The following ZNF519 variants were observed in gnomAD, a reference collection of about 807,000 sequenced individuals.
ZNF519 encodes the protein zinc finger protein 519, also known as similar to Zinc finger protein 85 (Zinc finger protein HPF4) (HTF1).
In ZNF519, 7 loss-of-function variants were observed where a neutral mutation model predicts 7.4. The observed-to-expected ratio is 0.94, with a 90% CI of 0.54 to 1.77. The LOEUF (loss-of-function observed/expected upper bound fraction) is 1.77. Ranked by LOEUF, ZNF519 falls within the 40% of genes most tolerant of loss-of-function variation. The probability of loss-of-function intolerance (pLI) is 0.00; values close to 1 mark genes in which losing one functional copy is unlikely to be tolerated. For missense variants in ZNF519, 586 were observed against 623.1 expected, an observed-to-expected ratio of 0.94 and a Z score of 0.63; for synonymous variants, 179 against 203.3, an observed-to-expected ratio of 0.88 and a Z score of 1.02.
chr18:14,105,729 C>T lies in ZNF519; in HGVS notation c.811G>A (p.Gly271Ser). 6.2e-7 allele frequency: 1 copy of T among 1,613,926 alleles called. No homozygotes were observed. Among genetic ancestry groups the T allele is most frequent in the East Asian group, 2.2e-5 (1 of 44,870 alleles). Residue 271 changes from glycine (G) to serine (S), a missense_variant, in exon 3 of 3, where the codon GGC becomes AGC. Coordinates refer to ENST00000590202, the MANE Select transcript of ZNF519 (RefSeq NM_145287.4). ...GEKSVKYKER[G>S]KAFTRGLHLG... ...TGTAAGCCCCTGGTAAAAGCTTTGC[C>T]ACGTTCTTTATATTTCACTGATTTT... is the stretch of plus-strand genomic sequence containing the variant.
intron 1 of ZNF519, among the ~76,000 whole-genome samples, chr18:14,124,691 T>C (rs1046603401): frequency 3.3e-5 from 5 of 152,064 alleles, no homozygotes; most frequent in African/African-American, 9.7e-5. Flanking sequence ...TGCACTGACC[T>C]ACCCCTACCA....
downstream of ZNF519, among the ~76,000 whole-genome samples, chr18:14,096,887 G>T (rs186356699): frequency 6.6e-6 from 1 of 152,130 alleles, no homozygotes; most frequent in African/African-American, 2.4e-5. Flanking sequence ...ACCCTATTCC[G>T]ACTTGCTGGG....
intron 3 of ZNF519, among the ~76,000 whole-genome samples, chr18:14,083,072 A>G (rs2046076352): frequency 1.3e-5 from 2 of 152,214 alleles, no homozygotes; most frequent in Non-Finnish European, 2.9e-5. Flanking sequence ...AGACCCGGTC[A>G]GGTGCAGTGG....
chr18:14,108,364 TA>T (rs1435747031), intron 2 of ZNF519, among the ~76,000 whole-genome samples: 1 of 152,016 alleles, frequency 6.6e-6, no homozygotes, highest in Non-Finnish European at 1.5e-5. Flanking sequence ...TGATTCCTTT[TA>T]ATCAATTGAA....
chr18:14,126,898 C>T (rs1279193050), intron 1 of ZNF519, among the ~76,000 whole-genome samples: 1 of 152,142 alleles, frequency 6.6e-6, no homozygotes, highest in Non-Finnish European at 1.5e-5. Flanking sequence ...CTGGTGAGAG[C>T]GTCCCCAGTG....
At chr18:14,073,662 T>C (rs1160788859), downstream of ZNF519, 3 of 152,190 alleles carry the variant, frequency 2.0e-5, no homozygotes, top group Non-Finnish European at 2.9e-5. Flanking sequence ...GTTATTCATA[T>C]AAGAAACCTG....
intron 1 of ZNF519, among the ~76,000 whole-genome samples, chr18:14,124,719 C>T (rs2046288560): frequency 6.6e-6 from 1 of 151,766 alleles, no homozygotes; most frequent in South Asian, 2.1e-4. Flanking sequence ...GCAGAGCAGG[C>T]CCTGTGACCT....
rs1333587229 is a variant in ZNF519, at chr18:14,103,202, A to C, written c.*1715T>G. 6.6e-6 allele frequency: 1 copy of C among 152,128 alleles called. No homozygotes were observed. Among genetic ancestry groups the C allele is most frequent in the Non-Finnish European group, 1.5e-5 (1 of 67,980 alleles). 9.4% of individuals were successfully genotyped at this position (152,128 alleles called of 1,614,324 possible). ...CATAACACTTGAACACTGTAAACAA[A>C]TATGAACTGATAGAATTCTCAAATT... is the stretch of plus-strand genomic sequence containing the variant. On this transcript the variant is annotated 3_prime_UTR_variant, in exon 3 of 3. Transcript: ENST00000590202.
At chr18:14,129,040 T>C (rs1038646396) in intron 1 of ZNF519, among the ~76,000 whole-genome samples, 8 of 152,072 alleles carry the variant, frequency 5.3e-5, no homozygotes, top group African/African-American at 1.9e-4. Context: ...AAGAGAAAGA[T>C]GCTATCAAGA....
At position 14,105,989 on chromosome 18, in the gene ZNF519, T is replaced by A; in HGVS notation, c.551A>T (p.Asn184Ile). The A allele has an allele frequency of 6.3e-7, 1 of 1,586,150 alleles. No homozygotes were observed. The highest frequency in any genetic ancestry group is 1.1e-5 in the South Asian group (1 of 87,924). ...TTGGTAAAATACTTTTTCACATTCA[T>A]TACAATTGTAATAGTTTTCTAGAAA... ...THFLENYYNCNECEKVFYQSS... is the reference protein window; with the variant it reads ...THFLENYYNCIECEKVFYQSS... The change falls in exon 3 of 3, where the codon AAT (asparagine) becomes ATT (isoleucine). Residue 184 changes from asparagine to isoleucine, a missense_variant. Transcript: ENST00000590202.
chr18:14,129,619 G>A (rs974497823), intron 1 of ZNF519, among the ~76,000 whole-genome samples: 1 of 152,078 alleles, frequency 6.6e-6, no homozygotes, highest in African/African-American at 2.4e-5. Flanking sequence ...GACACAAAAC[G>A]TAAGGAGTTT....
chr18:14,084,690 TC>T (rs1306513129), intron 3 of ZNF519, among the ~76,000 whole-genome samples: 4 of 151,996 alleles, frequency 2.6e-5, no homozygotes, highest in Non-Finnish European at 5.9e-5. Context: ...TTCACCAGGC[TC>T]CCCTCTCAAG....
At chr18:14,118,113 C>T (rs894460006) in intron 2 of ZNF519, among the ~76,000 whole-genome samples, 1 of 152,140 alleles carries the variant, frequency 6.6e-6, no homozygotes, top group Non-Finnish European at 1.5e-5. Flanking sequence ...GGCTGGAGTG[C>T]AGTGGCATGG....
At position 14,100,820 on chromosome 18, in the gene ZNF519, G is replaced by A. The variant is rs2046156733; in HGVS notation, c.*4097C>T. 6.6e-6 allele frequency: 1 copy of A among 152,018 alleles called. No homozygotes were observed. The highest frequency in any genetic ancestry group is 2.4e-5 in the African/African-American group (1 of 41,394). 9.4% of individuals were successfully genotyped at this position (152,018 alleles called of 1,614,324 possible). On this transcript the variant is annotated 3_prime_UTR_variant, in exon 3 of 3. Coordinates refer to ENST00000590202, the MANE Select transcript of ZNF519 (RefSeq NM_145287.4). ...TGGTAAAATGCAAATAGATGAGTAGGTTAATTCTATTACTGTCAATATCTT... is the reference window on the plus strand; with the variant it reads ...TGGTAAAATGCAAATAGATGAGTAGATTAATTCTATTACTGTCAATATCTT...
chr18:14,107,183 C>G (rs2046197722), intron 2 of ZNF519, among the ~76,000 whole-genome samples: 1 of 152,136 alleles, frequency 6.6e-6, no homozygotes. Context: ...TTCACAGATT[C>G]AAGAGACCAA....
chr18:14,081,649 A>G (rs1007203378), intron 3 of ZNF519, among the ~76,000 whole-genome samples: 1 of 152,070 alleles, frequency 6.6e-6, no homozygotes, highest in Admixed American at 6.6e-5. Flanking sequence ...TTTATGTGTT[A>G]TGGTTTTCTT....
At chr18:14,088,140 C>T (rs2046099286) in intron 2 of ZNF519, among the ~76,000 whole-genome samples, 1 of 152,168 alleles carries the variant, frequency 6.6e-6, no homozygotes, top group South Asian at 2.1e-4. Context: ...ACCTATGTGA[C>T]AATTATCCCG....
At chr18:14,092,000 CATG>C (rs1444069621) in intron 2 of ZNF519, among the ~76,000 whole-genome samples, 7 of 152,114 alleles carry the variant, frequency 4.6e-5, no homozygotes, top group Non-Finnish European at 1.0e-4. Flanking sequence ...GAGCTCTCAC[CATG>C]ATAAGAATTT....
At chr18:14,112,500 A>G (rs2046226319) in intron 2 of ZNF519, among the ~76,000 whole-genome samples, 2 of 152,312 alleles carry the variant, frequency 1.3e-5, no homozygotes, top group Admixed American at 6.5e-5. Flanking sequence ...TTGGAAAGGA[A>G]GAAGTCAAAT....
Sources: allele counts gnomAD v4.1 joint callset (sites outside exome capture counted in the v4.1 genomes callset), GRCh38; gene constraint gnomAD v4.1.1; transcripts MANE v1.5; gene names NCBI Gene and HGNC (gene_info 2026-07-23, HGNC 2026-07-21).